Variants in RAD54L2 observed in about 807,000 individuals in gnomAD.
The protein encoded by RAD54L2 is RAD54 like 2.
Under a neutral mutation model 138.4 loss-of-function variants are expected in RAD54L2, and 27 were observed. The observed-to-expected ratio is 0.20, with a 90% CI of 0.14 to 0.27. RAD54L2 has a LOEUF of 0.27. Among genes scored for constraint, RAD54L2 ranks in the 10% least tolerant of loss-of-function variants. The pLI, the probability that RAD54L2 is intolerant of heterozygous loss-of-function variation, is 1.00. For missense variants in RAD54L2, 1,396 were observed against 1,890.2 expected, an observed-to-expected ratio of 0.74 and a Z score of 4.85; for synonymous variants, 644 against 723.2, an observed-to-expected ratio of 0.89 and a Z score of 1.76.
In RAD54L2 at chr3:51,541,605, G is replaced by C. The variant is rs1423098518; in HGVS notation, c.-100G>C. The C allele has an allele frequency of 6.6e-6, 1 of 152,312 alleles. No homozygotes were observed. Among genetic ancestry groups the C allele is most frequent in the African/African-American group, 2.4e-5 (1 of 41,574 alleles). 9.4% of individuals were successfully genotyped at this position (152,312 alleles called of 1,614,324 possible). A position where few individuals can be genotyped will look rare whatever the true frequency, so the allele number is the denominator to read the frequency against. ...TGTATGTAGGCTGGGAGTGTCTGCT[G>C]ATCACTTGGAGTGCTGTCCCTTGGA... On this transcript the variant is annotated 5_prime_UTR_variant, in exon 2 of 23. Coordinates refer to ENST00000684192, the MANE Select transcript of RAD54L2 (RefSeq NM_015106.4).
At chr3:51,634,314 C>T (rs558648757) in intron 9 of RAD54L2, among the ~76,000 whole-genome samples, 9 of 146,832 alleles carry the variant, frequency 6.1e-5, no homozygotes, top group South Asian at 2.1e-4. Flanking sequence ...CCATGCATAT[C>T]GTAGTAAAAT....
At chr3:51,649,959 C>T (rs965878570) in intron 19 of RAD54L2, among the ~76,000 whole-genome samples, 3 of 152,102 alleles carry the variant, frequency 2.0e-5, no homozygotes, top group African/African-American at 7.2e-5. Flanking sequence ...TGTAAATGGG[C>T]TAAATGCCCC....
chr3:51,626,335 G>A (rs1225847300), intron 3 of RAD54L2, among the ~76,000 whole-genome samples: 1 of 149,872 alleles, frequency 6.7e-6, no homozygotes, highest in Non-Finnish European at 1.5e-5. Flanking sequence ...ATGCTACTCA[G>A]CAGGCTGAGG....
intron 18 of RAD54L2, among the ~76,000 whole-genome samples, chr3:51,646,057 A>C (rs1701271114): frequency 6.6e-6 from 1 of 151,796 alleles, no homozygotes; most frequent in Non-Finnish European, 1.5e-5. Context: ...AATTCTCTGA[A>C]CTCCCCCATT....
chr3:51,607,707 C>T (rs1198577103), intron 3 of RAD54L2, among the ~76,000 whole-genome samples: 1 of 151,488 alleles, frequency 6.6e-6, no homozygotes, highest in African/African-American at 2.4e-5. Flanking sequence ...CCCCACCTCC[C>T]AGACGGGGCG....
chr3:51,622,711 G>C (rs540834626), intron 3 of RAD54L2, among the ~76,000 whole-genome samples: 2 of 152,266 alleles, frequency 1.3e-5, no homozygotes, highest in East Asian at 3.9e-4. Context: ...GAAGGAGAGG[G>C]TTGGGAGTAG....
chr3:51,560,502 A>C (rs1275497298), intron 2 of RAD54L2, among the ~76,000 whole-genome samples: 1 of 151,816 alleles, frequency 6.6e-6, no homozygotes, highest in Admixed American at 6.6e-5. Context: ...CTAGGACTAC[A>C]GGTGCCCACC....
chr3:51,539,023 G>A (rs1553670707), intron 1 of RAD54L2, among the ~76,000 whole-genome samples, 108 bp downstream of exon 1: 2 of 152,164 alleles, frequency 1.3e-5, no homozygotes, highest in Non-Finnish European at 2.9e-5. Context: ...AGTGGCTCGG[G>A]GCAGCTAGAT....
intron 7 of RAD54L2, among the ~76,000 whole-genome samples, chr3:51,632,930 T>C (rs879791870): frequency 6.0e-5 from 9 of 149,566 alleles, no homozygotes; most frequent in Non-Finnish European, 1.3e-4. Context: ...TAGGGACTAC[T>C]TCTATGTGGC....
chr3:51,543,975 C>CT (rs1453018207), intron 2 of RAD54L2, among the ~76,000 whole-genome samples: 1 of 152,120 alleles, frequency 6.6e-6, no homozygotes, highest in Non-Finnish European at 1.5e-5. Context: ...TCTGTGCAAG[C>CT]TTTTATAATC....
At position 51,638,166 on chromosome 3, in the gene RAD54L2, A is replaced by G; in HGVS notation, c.1705A>G (p.Ile569Val). Residue 569 changes from isoleucine to valine, a missense_variant, in exon 12 of 23, where the codon ATT becomes GTT. This residue lies in a region of RAD54L2 where 211 missense variants were observed against 273.8 expected (regional missense o/e 0.77). Transcript: ENST00000684192. This position sits in a 1 kb window ranked among gnomAD's most constrained non-coding sequence, Gnocchi z 4.3. ...TAGGAGAGGCCACACTGTGCTGAAG[A>G]TTCATCTCCCTGCCAAGGAAGAAAA... ...VQRRGHTVLK[I>V]HLPAKEENVI... The G allele has an allele frequency of 2.5e-6, 4 of 1,613,940 alleles. No homozygotes were observed. The highest frequency in any genetic ancestry group is 3.4e-6 in the Non-Finnish European group (4 of 1,179,862).
At chr3:51,546,973 G>A (rs540451545) in intron 2 of RAD54L2, among the ~76,000 whole-genome samples, 1 of 150,258 alleles carries the variant, frequency 6.7e-6, no homozygotes, top group South Asian at 2.1e-4. Flanking sequence ...AGGTTGCAGT[G>A]AGCCGAGATC....
rs1701927677 is a variant in RAD54L2, at chr3:51,667,152, C to T, written c.*3732C>T. 1 of 151,780 alleles carries T rather than the reference C, an allele frequency of 6.6e-6. No individual in the cohort carries two copies. Among genetic ancestry groups the T allele is most frequent in the African/African-American group, 2.4e-5 (1 of 41,106 alleles). 9.4% of individuals were successfully genotyped at this position (151,780 alleles called of 1,614,324 possible). A position where few individuals can be genotyped will look rare whatever the true frequency, so the allele number is the denominator to read the frequency against. On this transcript the variant is annotated 3_prime_UTR_variant, in exon 23 of 23. Transcript: ENST00000684192. ...TTGTTACTAGTGTTCTGGATATTAC[C>T]TTCTGCTTCCCACTTCCTTTTTTTT... is the stretch of plus-strand genomic sequence containing the variant.
chr3:51,565,147 T>C (rs1029229598), intron 2 of RAD54L2, among the ~76,000 whole-genome samples: 1 of 152,188 alleles, frequency 6.6e-6, no homozygotes, highest in African/African-American at 2.4e-5. Context: ...CATATAGTTA[T>C]TGTAGCGATT....
Position 51,589,969 on chromosome 3 carries a change from G to A in RAD54L2, c.-54-398G>A, listed in dbSNP as rs58816979. On this transcript the variant is annotated intron_variant, in intron 2 of 22. Coordinates refer to ENST00000684192, the MANE Select transcript of RAD54L2 (RefSeq NM_015106.4). ...AGCTTGCCTTGCTTAGAGAAGTTCC[G>A]GGGAATTCATGTTCAGCATTTTTTT... Among the ~76,000 whole-genome samples, 952 of 152,050 alleles carry A rather than the reference G, an allele frequency of 6.3e-3. 11 individuals carry two copies. Among genetic ancestry groups the A allele is most frequent in the African/African-American group, 0.022 (912 of 41,492 alleles).
chr3:51,591,586 C>T (rs929881031), intron 3 of RAD54L2, among the ~76,000 whole-genome samples: 2 of 152,134 alleles, frequency 1.3e-5, no homozygotes, highest in African/African-American at 4.8e-5. Flanking sequence ...TCCATTTCTG[C>T]GGGGAAATGA....
At chr3:51,570,234 C>T (rs1372445985) in intron 2 of RAD54L2, among the ~76,000 whole-genome samples, 1 of 148,250 alleles carries the variant, frequency 6.7e-6, no homozygotes, top group Non-Finnish European at 1.5e-5. Flanking sequence ...GCGTCTGCCT[C>T]CCGGGTTCTA....
chr3:51,635,901 C>A, intron 10 of RAD54L2, 112 bp downstream of exon 10: 1 of 1,164,476 alleles, frequency 8.6e-7, no homozygotes, highest in Non-Finnish European at 1.2e-6. Context: ...GAATTGTTAT[C>A]ATGGACCAAA....
In RAD54L2 at chr3:51,590,379, G is replaced by A. The variant is rs375809195; in HGVS notation, c.-42G>A. On this transcript the variant is annotated 5_prime_UTR_variant, in exon 3 of 23. Coordinates refer to ENST00000684192, the MANE Select transcript of RAD54L2 (RefSeq NM_015106.4). ...CATCCTCTCCTAGCACCCCTGCAGT[G>A]GACCATGAGTCGGTAATGCCCACTG... The A allele has an allele frequency of 3.2e-5, 48 of 1,485,226 alleles. No homozygotes were observed. In the East Asian group the frequency reaches 9.2e-4, roughly 28 times the overall value. 92.0% of individuals were successfully genotyped at this position (1,485,226 alleles called of 1,614,324 possible). A position where few individuals can be genotyped will look rare whatever the true frequency, so the allele number is the denominator to read the frequency against.
Sources: allele counts gnomAD v4.1 joint callset (sites outside exome capture counted in the v4.1 genomes callset), GRCh38; gene constraint gnomAD v4.1.1; regional missense constraint gnomAD v4.1.1; non-coding constraint Gnocchi (gnomAD v3.1); transcripts MANE v1.5; gene names NCBI Gene and HGNC (gene_info 2026-07-23, HGNC 2026-07-21).